Variants in MEGF11 observed in about 807,000 individuals in gnomAD.
MEGF11 encodes multiple epidermal growth factor-like domains protein 11.
Under a neutral mutation model 146.6 loss-of-function variants are expected in MEGF11, and 126 were observed. The ratio of observed to expected loss-of-function variants is 0.86; its 90% CI spans 0.74 to 1.00. The LOEUF (loss-of-function observed/expected upper bound fraction) is 1.00. MEGF11 is among the 50% of genes least tolerant of loss of function. The pLI, the probability that MEGF11 is intolerant of heterozygous loss-of-function variation, is 0.00. For missense variants in MEGF11, 1,509 were observed against 1,521.2 expected (o/e 0.99, Z 0.13); for synonymous variants, 532 against 583.4 (o/e 0.91, Z 1.27).
chr15:65,990,303 C>A (rs1415797665), intron 5 of MEGF11, among the ~76,000 whole-genome samples: 1 of 152,172 alleles, frequency 6.6e-6, no homozygotes. Context: ...GTAATCCCAA[C>A]ACTTTGAAAG....
intron 5 of MEGF11, among the ~76,000 whole-genome samples, chr15:66,067,117 G>C (rs2085161345): frequency 6.6e-6 from 1 of 152,214 alleles, no homozygotes; most frequent in African/African-American, 2.4e-5. Context: ...AAAGTGCTTA[G>C]AACGGTGTCT....
chr15:65,902,632 A>G (rs1260118804), intron 24 of MEGF11: 1 of 152,226 alleles, frequency 6.6e-6, no homozygotes, highest in African/African-American at 2.4e-5. Flanking sequence ...TCCCAGTCCC[A>G]GCCCTTCAGG....
chr15:65,925,079 C>T (rs1424515283), intron 13 of MEGF11, among the ~76,000 whole-genome samples: 1 of 152,190 alleles, frequency 6.6e-6, no homozygotes, highest in African/African-American at 2.4e-5. Context: ...CTGACCAAGG[C>T]ACATGTGTCA....
At chr15:66,082,446 AAAAAAAAAAAAAAAAAAAAAATCT>A (rs1357780620) in intron 5 of MEGF11, among the ~76,000 whole-genome samples, 6 of 112,584 alleles carry the variant, frequency 5.3e-5, no homozygotes, top group East Asian at 2.6e-4. Flanking sequence ...AAAAAAAAAA[AAAAAAAAAAAAAAAAAAAAAATCT>A]ATCTATCTAT....
chr15:66,075,222 G>A (rs1263374825), intron 5 of MEGF11, among the ~76,000 whole-genome samples: 1 of 152,154 alleles, frequency 6.6e-6, no homozygotes, highest in Non-Finnish European at 1.5e-5. Flanking sequence ...GAATATATCA[G>A]GCCCCTAATA....
chr15:66,136,700 G>A (rs905853260), intron 1 of MEGF11, among the ~76,000 whole-genome samples: 1 of 152,210 alleles, frequency 6.6e-6, no homozygotes, highest in African/African-American at 2.4e-5. Context: ...TCCAAAGACA[G>A]GTTCAAGAAC....
At chr15:66,125,514 C>T (rs1446838653) in intron 2 of MEGF11, among the ~76,000 whole-genome samples, 1 of 152,226 alleles carries the variant, frequency 6.6e-6, no homozygotes, top group African/African-American at 2.4e-5. Context: ...CTGTTAGCAG[C>T]ATGCTCTTAG....
chr15:66,176,192 C>T (rs2090384404), intron 1 of MEGF11, among the ~76,000 whole-genome samples: 2 of 152,162 alleles, frequency 1.3e-5, no homozygotes, highest in Admixed American at 1.3e-4. Flanking sequence ...AAAAGGAACT[C>T]TTACAAGCTG....
chr15:66,149,231 G>T (rs192202825), intron 1 of MEGF11, among the ~76,000 whole-genome samples: 1 of 152,126 alleles, frequency 6.6e-6, no homozygotes, highest in African/African-American at 2.4e-5. Flanking sequence ...CTCCAGATGC[G>T]TTCCAAAAGC....
At chr15:66,156,120 G>A (rs1219193694) in intron 1 of MEGF11, among the ~76,000 whole-genome samples, 3 of 152,114 alleles carry the variant, frequency 2.0e-5, no homozygotes, top group Non-Finnish European at 4.4e-5. Context: ...ATGTGGCCTG[G>A]AGTCCCAAAG....
chr15:66,052,246 G>C (rs2084478868), intron 5 of MEGF11, among the ~76,000 whole-genome samples: 1 of 152,188 alleles, frequency 6.6e-6, no homozygotes, highest in African/African-American at 2.4e-5. Context: ...GCTGTGCTGG[G>C]GGTGGGGGGC....
At chr15:66,097,411 G>T (rs905806664) in intron 4 of MEGF11, among the ~76,000 whole-genome samples, 14 of 152,278 alleles carry the variant, frequency 9.2e-5, no homozygotes, top group African/African-American at 3.4e-4. Flanking sequence ...AGAGCGTGTG[G>T]GTGCCCTAAG....
At chr15:66,141,233 GGTGTGTGTGTGTGTGTGTGT>G (rs572801225) in intron 1 of MEGF11, among the ~76,000 whole-genome samples, 111 of 97,270 alleles carry the variant, frequency 1.1e-3, no homozygotes, top group African/African-American at 2.8e-3. Context: ...CAGACTCAGG[GGTGTGTGTGTGTGTGTGTGT>G]GTGTGTGTGT....
At chr15:66,092,948 G>C (rs1344841811) in intron 5 of MEGF11, among the ~76,000 whole-genome samples, 2 of 152,196 alleles carry the variant, frequency 1.3e-5, no homozygotes, top group Non-Finnish European at 2.9e-5. Flanking sequence ...ATAAGGGCGG[G>C]GGAAGCCCAG....
At chr15:65,972,416 A>G (rs1179079092) in intron 7 of MEGF11, among the ~76,000 whole-genome samples, 2 of 152,228 alleles carry the variant, frequency 1.3e-5, no homozygotes, top group Non-Finnish European at 2.9e-5. Flanking sequence ...GATTTTAGAA[A>G]GAGGAAAACA....
At chr15:66,040,559 G>A (rs1157127303) in intron 5 of MEGF11, among the ~76,000 whole-genome samples, 1 of 152,188 alleles carries the variant, frequency 6.6e-6, no homozygotes, top group Non-Finnish European at 1.5e-5. Context: ...AGTCCTACAA[G>A]GTGAGGAAGC....
intron 1 of MEGF11, among the ~76,000 whole-genome samples, chr15:66,140,710 G>A (rs548607021): frequency 5.1e-4 from 77 of 152,352 alleles, no homozygotes; most frequent in African/African-American, 1.8e-3. Flanking sequence ...TGTGCGAAGA[G>A]GGAAAGAGGA....
chr15:66,125,151 A>G (rs1240229370), intron 2 of MEGF11, among the ~76,000 whole-genome samples: 2 of 152,132 alleles, frequency 1.3e-5, no homozygotes, highest in Admixed American at 6.5e-5. Context: ...AGCAGTCAAC[A>G]ATGCTCAGAG....
chr15:65,955,759 A>AAAAAAAAAAAAT (rs2080572183), intron 10 of MEGF11, among the ~76,000 whole-genome samples: 1 of 16,376 alleles, frequency 6.1e-5, no homozygotes, highest in Non-Finnish European at 1.1e-4. Flanking sequence ...AAAAAAAAAA[A>AAAAAAAAAAAAT]AAATATATAT....
Sources: allele counts gnomAD v4.1 joint callset (sites outside exome capture counted in the v4.1 genomes callset), GRCh38; gene constraint gnomAD v4.1.1; transcripts MANE v1.5; gene names NCBI Gene and HGNC (gene_info 2026-07-23, HGNC 2026-07-21).